Variants in LRP8 observed in about 807,000 individuals in gnomAD.
LRP8 encodes the protein LDL receptor related protein 8.
Under a neutral mutation model 111.6 loss-of-function variants are expected in LRP8, and 46 were observed. That is an observed-to-expected ratio of 0.41 (90% confidence interval 0.33 to 0.53). The LOEUF (loss-of-function observed/expected upper bound fraction) is 0.53. Among genes scored for constraint, LRP8 ranks in the 20% least tolerant of loss-of-function variants. The probability of loss-of-function intolerance (pLI) is 0.20; values close to 1 mark genes in which losing one functional copy is unlikely to be tolerated. For missense variants in LRP8, 959 were observed against 1,297.4 expected, an observed-to-expected ratio of 0.74 and a Z score of 4.01; for synonymous variants, 464 against 511.2, an observed-to-expected ratio of 0.91 and a Z score of 1.24.
intron 2 of LRP8, among the ~76,000 whole-genome samples, chr1:53,322,954 G>A (rs1654703916): frequency 6.6e-6 from 1 of 152,196 alleles, no homozygotes; most frequent in South Asian, 2.1e-4. Context: ...CTGGGATGGA[G>A]GGGTGATGGG....
intron 1 of LRP8, chr1:53,327,254 T>G (rs959038542): frequency 8.1e-6 from 4 of 496,892 alleles, no homozygotes; most frequent in Non-Finnish European, 1.4e-5. Context: ...TCAGACGCAC[T>G]CACCCGCACA....
chr1:53,247,458 G>A (rs1161392265), intron 18 of LRP8, among the ~76,000 whole-genome samples: 2 of 152,168 alleles, frequency 1.3e-5, no homozygotes, highest in African/African-American at 4.8e-5. Flanking sequence ...AGGCTATGGG[G>A]TTACTTGTCT....
chr1:53,297,760 C>T (rs937552441), intron 2 of LRP8, among the ~76,000 whole-genome samples: 3 of 152,234 alleles, frequency 2.0e-5, no homozygotes, highest in Non-Finnish European at 4.4e-5. Context: ...ACCCATTCCA[C>T]TAAGGAGTTA....
intron 2 of LRP8, among the ~76,000 whole-genome samples, chr1:53,319,905 A>G (rs982688023): frequency 6.6e-6 from 1 of 152,208 alleles, no homozygotes; most frequent in Non-Finnish European, 1.5e-5. Context: ...TGCAAGCCAC[A>G]CTTTACTGTC....
chr1:53,316,343 T>C (rs1266408151), intron 2 of LRP8, among the ~76,000 whole-genome samples: 1 of 152,104 alleles, frequency 6.6e-6, no homozygotes, highest in Non-Finnish European at 1.5e-5. Context: ...CAAAAGAGTG[T>C]TGCATAGGCA....
chr1:53,279,612 C>T lies in LRP8; in HGVS notation c.496+975G>A, dbSNP rs1647040224. On this transcript the variant is annotated intron_variant, in intron 4 of 18. Transcript: ENST00000306052. This position sits in a 1 kb window ranked among gnomAD's most constrained non-coding sequence, Gnocchi z 4.4. The stretch of plus-strand genomic sequence containing the variant: ...CTTAGAATCTTAAAGTGTGACGACT[C>T]AGACACCTCTGGAGGAGATGGCATT... 6.6e-6 allele frequency among the ~76,000 whole-genome samples: 1 copy of T among 152,198 alleles called. No homozygotes were observed. The highest frequency in any genetic ancestry group is 2.4e-5 in the African/African-American group (1 of 41,444).
intron 12 of LRP8, among the ~76,000 whole-genome samples, chr1:53,261,288 G>A (rs1351592744): frequency 2.0e-5 from 3 of 152,242 alleles, no homozygotes; most frequent in Non-Finnish European, 4.4e-5. Flanking sequence ...TACATGCCAT[G>A]TATATAAACA....
At chr1:53,258,515 C>A (rs1344692789) in intron 13 of LRP8, 44 bp from the exon 14 acceptor site, 2 of 1,585,944 alleles carry the variant, frequency 1.3e-6, no homozygotes, top group Non-Finnish European at 1.7e-6. Context: ...ACAGGACATG[C>A]CAGGTCTTCC....
rs1649100594 is a variant in LRP8 at position 53,293,180 on chromosome 1, G to T, written c.245-3491C>A. Among the ~76,000 whole-genome samples the T allele has an allele frequency of 6.6e-6, 1 of 152,244 alleles. No individual in the cohort carries two copies. Among genetic ancestry groups the T allele is most frequent in the African/African-American group, 2.4e-5 (1 of 41,472 alleles). ...TCCCTGGGATTCTGAAAGCCTGGGG[G>T]TGATCTTGTCCTCCTCCATGTGCCA... On this transcript the variant is annotated intron_variant, in intron 2 of 18. Coordinates refer to ENST00000306052, the MANE Select transcript of LRP8 (RefSeq NM_004631.5). This position sits in a 1 kb window ranked among gnomAD's most constrained non-coding sequence, Gnocchi z 4.9.
At chr1:53,324,942 C>T (rs1200982069) in intron 2 of LRP8, among the ~76,000 whole-genome samples, 1 of 152,256 alleles carries the variant, frequency 6.6e-6, no homozygotes, top group African/African-American at 2.4e-5. Context: ...CACTCAACTT[C>T]TCTGAGGAGG....
At chr1:53,296,240 G>C (rs1649688233) in intron 2 of LRP8, among the ~76,000 whole-genome samples, 1 of 152,242 alleles carries the variant, frequency 6.6e-6, no homozygotes. Context: ...TCTGAAGGCA[G>C]AGCAGCGACC....
chr1:53,277,172 C>CG, intron 4 of LRP8, 94 bp from the exon 5 acceptor site: 1 of 1,341,040 alleles, frequency 7.5e-7, no homozygotes, highest in East Asian at 3.4e-5. Context: ...GACCCTCACC[C>CG]GGGGGCCAGA....
Position 53,276,812 on chromosome 1 carries a change from C to A in LRP8, c.763G>T (p.Ala255Ser). Residue 255 changes from alanine to serine, a missense_variant, in exon 5 of 19, where the codon GCG becomes TCG. By Grantham distance (99) the Ala-to-Ser change is moderately conservative. Around this residue, in one of 3 missense-constraint regions of LRP8, gnomAD observed 819 missense variants for 1,097.6 expected, o/e 0.75. Coordinates refer to ENST00000306052, the MANE Select transcript of LRP8 (RefSeq NM_004631.5). ...CGRPGPGATS[A>S]PAACATASQF... ...GAGGCGGTGGCGCAGGCGGCGGGCG[C>A]GGACGTGGCCCCGGGGCCCGGACGG... 1 of 1,273,272 alleles carries A rather than the reference C, an allele frequency of 7.9e-7. No homozygotes were observed. The highest frequency in any genetic ancestry group is 9.9e-7 in the Non-Finnish European group (1 of 1,007,208). 78.9% of individuals were successfully genotyped at this position (1,273,272 alleles called of 1,614,324 possible). A position where few individuals can be genotyped will look rare whatever the true frequency, so the allele number is the denominator to read the frequency against.
chr1:53,284,193 GCTTA>G (rs1647228104), intron 3 of LRP8, among the ~76,000 whole-genome samples: 1 of 26,240 alleles, frequency 3.8e-5, no homozygotes, highest in South Asian at 8.6e-4. Context: ...TACCCGGGCC[GCTTA>G]CTTACCTACT....
rs1186330369 is a variant in LRP8, at chr1:53,246,424, A to G, written c.*594T>C. The G allele has an allele frequency of 2.6e-5, 4 of 152,346 alleles. No homozygotes were observed. The highest frequency in any genetic ancestry group is 9.7e-5 in the African/African-American group (4 of 41,404). The allele number at this position is 152,346 out of a possible 1,614,324, so 9.4% of individuals were successfully genotyped here. A position where few individuals can be genotyped will look rare whatever the true frequency, so the allele number is the denominator to read the frequency against. ...CACATATAAACACACACATACACAC[A>G]CAGAGTCTGTGTGGTGGGCCAAACA... On this transcript the variant is annotated 3_prime_UTR_variant, in exon 19 of 19. Transcript: ENST00000306052.
Position 53,262,395 on chromosome 1 carries a change from T to C in LRP8, c.1774+51A>G. ...AGACTCATGGAGTTCCAGACAGTGA[T>C]CAGGACAAGGCACTAGAATAGGCCC... On this transcript the variant is annotated intron_variant, in intron 11 of 18. Transcript: ENST00000306052. This position sits in a 1 kb window ranked among gnomAD's most constrained non-coding sequence, Gnocchi z 4.8. The C allele has an allele frequency of 6.4e-7, 1 of 1,570,688 alleles. No individual in the cohort carries two copies. Among genetic ancestry groups the C allele is most frequent in the Non-Finnish European group, 8.8e-7 (1 of 1,142,428 alleles).
chr1:53,264,411 G>A lies in LRP8; in HGVS notation c.1428-15C>T, dbSNP rs774225928. 1 of 1,605,890 alleles carries A rather than the reference G, an allele frequency of 6.2e-7. No individual in the cohort carries two copies. The highest frequency in any genetic ancestry group is 8.5e-7 in the Non-Finnish European group (1 of 1,174,726). ...CCATGTAGGCGCTTAAGAGAAAACA[G>A]AGATGACCATGGGGCAGATGTTCCA... On this transcript the variant is annotated splice_polypyrimidine_tract_variant and intron_variant, in intron 9 of 18. Coordinates refer to ENST00000306052, the MANE Select transcript of LRP8 (RefSeq NM_004631.5).
At chr1:53,296,650 G>A (rs1371092795) in intron 2 of LRP8, among the ~76,000 whole-genome samples, 1 of 152,234 alleles carries the variant, frequency 6.6e-6, no homozygotes, top group Non-Finnish European at 1.5e-5. Context: ...TGACAGTCCA[G>A]GAAGCTACTA....
intron 9 of LRP8, 146 bp from the exon 10 acceptor site, chr1:53,264,542 C>G: frequency 2.9e-6 from 2 of 685,154 alleles, no homozygotes; most frequent in East Asian, 5.4e-5. Flanking sequence ...TCTACACATT[C>G]CCTGGGGTAC....
Sources: gnomAD v4.1 joint callset for allele counts (sites outside exome capture counted in the v4.1 genomes callset) on GRCh38, gnomAD v4.1.1 for gene constraint, gnomAD v4.1.1 regional missense constraint, Gnocchi (gnomAD v3.1) non-coding constraint, MANE v1.5 for transcripts, NCBI Gene and HGNC (gene_info 2026-07-23, HGNC 2026-07-21) for gene names.